The following NXPH1 variants were observed in gnomAD, a reference collection of about 807,000 sequenced individuals.
The protein encoded by NXPH1 is neurexophilin 1, also known as neurexophilin-1.
Under a neutral mutation model 23.7 loss-of-function variants are expected in NXPH1, and 5 were observed. The observed-to-expected ratio is 0.21, with a 90% CI of 0.11 to 0.44. The LOEUF is 0.44. Among genes scored for constraint, NXPH1 ranks in the 20% least tolerant of loss-of-function variants. The pLI is 0.99. For missense variants in NXPH1, 324 were observed against 321.6 expected (o/e 1.01, Z -0.06); for synonymous variants, 144 against 122.2 (o/e 1.18, Z -1.18).
chr7:8,547,985 C>T (rs1390453206), intron 2 of NXPH1, among the ~76,000 whole-genome samples: 2 of 151,398 alleles, frequency 1.3e-5, no homozygotes, highest in East Asian at 2.0e-4. Flanking sequence ...GATTTATTTT[C>T]CTTTGGGTAG....
chr7:8,467,054 T>C (rs1017534879), intron 2 of NXPH1, among the ~76,000 whole-genome samples: 6 of 152,146 alleles, frequency 3.9e-5, no homozygotes, highest in Admixed American at 2.0e-4. Context: ...GCAAGAAATA[T>C]ACAGCAGCTA....
At chr7:8,667,711 A>T (rs1275320368) in intron 2 of NXPH1, among the ~76,000 whole-genome samples, 1 of 152,052 alleles carries the variant, frequency 6.6e-6, no homozygotes, top group Non-Finnish European at 1.5e-5. Flanking sequence ...CTATACCTAG[A>T]TATTTATATC....
intron 2 of NXPH1, among the ~76,000 whole-genome samples, chr7:8,669,424 T>G (rs1432199525): frequency 6.6e-6 from 1 of 151,950 alleles, no homozygotes; most frequent in Non-Finnish European, 1.5e-5. Flanking sequence ...GCACTGGGGT[T>G]GACCCGAATC....
intron 2 of NXPH1, among the ~76,000 whole-genome samples, chr7:8,695,344 G>A (rs1222771726): frequency 2.0e-5 from 3 of 152,178 alleles, no homozygotes; most frequent in Admixed American, 6.5e-5. Context: ...CACAATTAGT[G>A]ATTGATGGAG....
intron 2 of NXPH1, among the ~76,000 whole-genome samples, chr7:8,503,541 C>T (rs1817472696): frequency 6.6e-6 from 1 of 151,936 alleles, no homozygotes; most frequent in Non-Finnish European, 1.5e-5. Flanking sequence ...ACTTTTTCTG[C>T]CTTAACTATT....
chr7:8,497,578 A>G (rs1424572189), intron 2 of NXPH1, among the ~76,000 whole-genome samples: 1 of 152,002 alleles, frequency 6.6e-6, no homozygotes, highest in Non-Finnish European at 1.5e-5. Flanking sequence ...ATGGTATCTC[A>G]TTGTGGTTTT....
chr7:8,560,491 C>T (rs904541713), intron 2 of NXPH1, among the ~76,000 whole-genome samples: 3 of 151,694 alleles, frequency 2.0e-5, no homozygotes, highest in African/African-American at 4.8e-5. Flanking sequence ...TACTTGAATC[C>T]ACATTATTAC....
At chr7:8,516,324 G>A (rs115294781) in intron 2 of NXPH1, among the ~76,000 whole-genome samples, 1,919 of 152,032 alleles carry the variant, frequency 0.013, 43 homozygotes, top group African/African-American at 0.044. Flanking sequence ...TTACTGGCTG[G>A]GTGCTCTCGT....
At chr7:8,585,665 A>G (rs1291689927) in intron 2 of NXPH1, among the ~76,000 whole-genome samples, 1 of 152,186 alleles carries the variant, frequency 6.6e-6, no homozygotes, top group Non-Finnish European at 1.5e-5. Context: ...TGGACTGTTT[A>G]TATTTCAAGA....
At chr7:8,709,851 G>A (rs1173126059) in intron 2 of NXPH1, among the ~76,000 whole-genome samples, 4 of 152,156 alleles carry the variant, frequency 2.6e-5, no homozygotes, top group Non-Finnish European at 5.9e-5. Flanking sequence ...GGTAAATTCT[G>A]AGCTAATGTT....
At chr7:8,524,202 A>T (rs1817824003) in intron 2 of NXPH1, among the ~76,000 whole-genome samples, 1 of 130,796 alleles carries the variant, frequency 7.6e-6, no homozygotes, top group Non-Finnish European at 1.5e-5. Context: ...AGATCGTGCC[A>T]TTGCACTCCA....
intron 2 of NXPH1, among the ~76,000 whole-genome samples, chr7:8,443,626 A>C (rs867075037): frequency 6.6e-6 from 1 of 152,226 alleles, no homozygotes; most frequent in Non-Finnish European, 1.5e-5. Flanking sequence ...AGGCGCAGTA[A>C]TTATTCACGG....
intron 2 of NXPH1, among the ~76,000 whole-genome samples, chr7:8,452,579 G>T (rs1816526084): frequency 6.6e-6 from 1 of 152,132 alleles, no homozygotes; most frequent in African/African-American, 2.4e-5. Flanking sequence ...TAATAGGTCA[G>T]ATTATTCATG....
rs1320155618 is a variant in NXPH1 at position 8,442,008 on chromosome 7, G to A, written c.54+6241G>A. ...GAAAGTTCCTTAGGCGTCTAGTCAGGGGTTCGGGGTGGTGGAAAGCGAGAT... is the reference window on the plus strand; with the variant it reads ...GAAAGTTCCTTAGGCGTCTAGTCAGAGGTTCGGGGTGGTGGAAAGCGAGAT... On this transcript the variant is annotated intron_variant, in intron 2 of 2. Transcript: ENST00000405863. This position sits in a 1 kb window ranked among gnomAD's most constrained non-coding sequence, Gnocchi z 4.6. 6.6e-6 allele frequency among the ~76,000 whole-genome samples: 1 copy of A among 152,114 alleles called. No homozygotes were observed. Among genetic ancestry groups the A allele is most frequent in the African/African-American group, 2.4e-5 (1 of 41,414 alleles).
At chr7:8,720,372 T>G (rs564746892) in intron 2 of NXPH1, among the ~76,000 whole-genome samples, 1 of 152,196 alleles carries the variant, frequency 6.6e-6, no homozygotes, top group Non-Finnish European at 1.5e-5. Context: ...TTCTCTACTC[T>G]ATCATTAGGT....
At chr7:8,457,389 G>A (rs1324766194) in intron 2 of NXPH1, among the ~76,000 whole-genome samples, 1 of 152,146 alleles carries the variant, frequency 6.6e-6, no homozygotes, top group Non-Finnish European at 1.5e-5. Context: ...CGATGGAGAA[G>A]GCATTGTCAA....
chr7:8,505,672 T>C lies in NXPH1; in HGVS notation c.54+69905T>C, dbSNP rs184426946. Among the ~76,000 whole-genome samples, 298 of 152,210 alleles carry C rather than the reference T, an allele frequency of 2.0e-3. 2 individuals are homozygous for C. Among genetic ancestry groups the C allele is most frequent in the African/African-American group, 6.8e-3 (282 of 41,550 alleles). On this transcript the variant is annotated intron_variant, in intron 2 of 2. Coordinates refer to ENST00000405863, the MANE Select transcript of NXPH1 (RefSeq NM_152745.3). Reference sequence around the variant, plus strand: ...CCATTAGGTTTCTTATGTGATTAATTGGAGATTTCAGTTTGCATTAAAGTT... The same window carrying C: ...CCATTAGGTTTCTTATGTGATTAATCGGAGATTTCAGTTTGCATTAAAGTT...
At chr7:8,457,603 A>G (rs1284476665) in intron 2 of NXPH1, among the ~76,000 whole-genome samples, 1 of 151,146 alleles carries the variant, frequency 6.6e-6, no homozygotes. Context: ...GGCAGGTAAG[A>G]CAACTTCATT....
At chr7:8,741,048 A>AATTT (rs1243976276) in intron 2 of NXPH1, among the ~76,000 whole-genome samples, 1 of 152,140 alleles carries the variant, frequency 6.6e-6, no homozygotes, top group Non-Finnish European at 1.5e-5. Context: ...AACATCTTTC[A>AATTT]ATTTCCTCCA....
Sources: gnomAD v4.1 joint callset for allele counts (sites outside exome capture counted in the v4.1 genomes callset) on GRCh38, gnomAD v4.1.1 for gene constraint, Gnocchi (gnomAD v3.1) non-coding constraint, MANE v1.5 for transcripts, NCBI Gene and HGNC (gene_info 2026-07-23, HGNC 2026-07-21) for gene names.